The following JADE2 variants were observed in gnomAD, a reference collection of about 807,000 sequenced individuals.
JADE2 encodes the protein jade family PHD finger 2.
In JADE2, 13 loss-of-function variants were observed where a neutral mutation model predicts 85.7. That is an observed-to-expected ratio of 0.15 (90% CI 0.10 to 0.24). JADE2 has a LOEUF of 0.24. JADE2 is among the 10% of genes least tolerant of loss of function. The probability of loss-of-function intolerance (pLI) is 1.00; values close to 1 mark genes in which losing one functional copy is unlikely to be tolerated. For missense variants in JADE2, 846 were observed against 1,115.9 expected, an observed-to-expected ratio of 0.76 and a Z score of 3.45; for synonymous variants, 440 against 456.1, an observed-to-expected ratio of 0.96 and a Z score of 0.45.
chr5:134,555,232 C>T (rs1016409190), intron 4 of JADE2, among the ~76,000 whole-genome samples: 4 of 152,212 alleles, frequency 2.6e-5, no homozygotes, highest in African/African-American at 7.2e-5. Flanking sequence ...TCTCGCCCCT[C>T]TCCAGACTGA....
intron 9 of JADE2, among the ~76,000 whole-genome samples, 162 bp from the exon 10 acceptor site, chr5:134,573,483 G>A (rs566257372): frequency 5.3e-4 from 80 of 152,306 alleles, no homozygotes; most frequent in African/African-American, 1.6e-3. Flanking sequence ...CTGAGGATGC[G>A]CTCAGGGTCT....
chr5:134,545,240 TGGG>T (rs1762222417), intron 3 of JADE2, among the ~76,000 whole-genome samples: 1 of 152,018 alleles, frequency 6.6e-6, no homozygotes. Context: ...TTCTCTGGGG[TGGG>T]GGGCAGGATC....
At chr5:134,540,211 G>A (rs1314091570) in intron 3 of JADE2, among the ~76,000 whole-genome samples, 1 of 147,630 alleles carries the variant, frequency 6.8e-6, no homozygotes, top group Admixed American at 7.0e-5. Flanking sequence ...CCCACCCTCG[G>A]TCTTTTTTTT....
chr5:134,577,146 A>C, intron 11 of JADE2: 1 of 452,224 alleles, frequency 2.2e-6, no homozygotes, highest in Non-Finnish European at 3.9e-6. Context: ...ACGCCCACTC[A>C]GGAACTGTCC....
intron 4 of JADE2, among the ~76,000 whole-genome samples, chr5:134,553,622 G>A (rs1762739279): frequency 6.6e-6 from 1 of 152,246 alleles, no homozygotes; most frequent in East Asian, 1.9e-4. Flanking sequence ...AAAGTGCTGG[G>A]ATTGCAGGCG....
chr5:134,526,343 AGGGGGCGCGGGCGGGCGG>A (rs1283666426), intron 1 of JADE2: 18 of 983,878 alleles, frequency 1.8e-5, no homozygotes, highest in Non-Finnish European at 2.2e-5. Context: ...CGGGCCGGCG[AGGGGGCGCGGGCGGGCGG>A]GGGCGCGCCA....
chr5:134,526,632 G>C (rs1288305082), intron 1 of JADE2: 35 of 985,498 alleles, frequency 3.6e-5, no homozygotes, highest in Non-Finnish European at 4.2e-5. Flanking sequence ...CCTCCGCCCT[G>C]TCGCCCCCTC....
chr5:134,560,052 C>T, intron 5 of JADE2, 62 bp downstream of exon 5: 1 of 1,584,030 alleles, frequency 6.3e-7, no homozygotes, highest in Non-Finnish European at 8.7e-7. Flanking sequence ...TCTCCCCATC[C>T]CGAGAGGGAC....
chr5:134,565,790 T>C (rs913858402), intron 8 of JADE2, among the ~76,000 whole-genome samples: 1 of 149,104 alleles, frequency 6.7e-6, no homozygotes, highest in African/African-American at 2.5e-5. Flanking sequence ...ATGGAACCAC[T>C]GCACTCCAGC....
chr5:134,577,887 C>G (rs994434736), intron 11 of JADE2, among the ~76,000 whole-genome samples: 3 of 151,912 alleles, frequency 2.0e-5, no homozygotes, highest in Admixed American at 6.6e-5. Flanking sequence ...GCTTGCTACC[C>G]CTATTCGTAC....
At chr5:134,573,537 G>A (rs1420781592) in intron 9 of JADE2, 108 bp from the exon 10 acceptor site, 62 of 783,120 alleles carry the variant, frequency 7.9e-5, no homozygotes, top group Non-Finnish European at 6.9e-6. Flanking sequence ...GGCTGTGGCG[G>A]TAGCCTGTGC....
chr5:134,534,965 G>C (rs1406363835), intron 1 of JADE2, among the ~76,000 whole-genome samples: 1 of 152,224 alleles, frequency 6.6e-6, no homozygotes, highest in Non-Finnish European at 1.5e-5. Context: ...GGAGCTGATG[G>C]AGGGTAAAAA....
Position 134,578,480 on chromosome 5 carries a change from C to A in JADE2, c.1682-14C>A. On this transcript the variant is annotated splice_polypyrimidine_tract_variant and intron_variant, in intron 11 of 11. Coordinates refer to ENST00000681547, the MANE Select transcript of JADE2 (RefSeq NM_001388185.1). This position sits in a 1 kb window ranked among gnomAD's most constrained non-coding sequence, Gnocchi z 4.4. ...CGTCTGCTGGCGTCTCACTTGCCTC[C>A]TCTCTCCCCTCAGCAGGCCTGTCCA... 1.3e-6 allele frequency: 2 copies of A among 1,550,204 alleles called. No individual in the cohort carries two copies.
intron 1 of JADE2, among the ~76,000 whole-genome samples, chr5:134,527,676 C>G (rs1446209901): frequency 6.6e-6 from 1 of 151,868 alleles, no homozygotes; most frequent in African/African-American, 2.4e-5. Flanking sequence ...GTCGGAATCA[C>G]GCCGGCGCGC....
chr5:134,527,612 G>A (rs1210390108), intron 1 of JADE2, among the ~76,000 whole-genome samples: 1 of 149,470 alleles, frequency 6.7e-6, no homozygotes, highest in Non-Finnish European at 1.5e-5. Flanking sequence ...CCCTTCCTTC[G>A]CCTGGGCCGG....
Position 134,546,820 on chromosome 5 carries a change from G to T in JADE2, c.154-5232G>T, listed in dbSNP as rs537631984. On this transcript the variant is annotated intron_variant, in intron 3 of 11. Transcript: ENST00000681547. Reference sequence around the variant, plus strand: ...TACACAAGTAATTATATTTTGTAGTGTGGTAACTGCTGGAGCTTTTCTCTT... The same window carrying T: ...TACACAAGTAATTATATTTTGTAGTTTGGTAACTGCTGGAGCTTTTCTCTT... 2.6e-5 allele frequency among the ~76,000 whole-genome samples: 4 copies of T among 152,164 alleles called. No homozygotes were observed. The South Asian group carries it at 8.3e-4, about 32-fold the overall frequency.
At chr5:134,537,887 C>T (rs2304082) in intron 2 of JADE2, 102 bp from the exon 3 acceptor site, 115,216 of 830,362 alleles carry the variant, frequency 0.14, 8,865 homozygotes, top group African/African-American at 0.23. Flanking sequence ...CCCTCATGAA[C>T]ATTCTAGCCG....
Position 134,541,391 on chromosome 5 carries a change from T to G in JADE2, c.153+3308T>G, listed in dbSNP as rs565305893. ...AAAGCGAGGATTTGGCGGCAGAGAA[T>G]GTTTGCACTAAATCTCACGGACTGC... On this transcript the variant is annotated intron_variant, in intron 3 of 11. Coordinates refer to ENST00000681547, the MANE Select transcript of JADE2 (RefSeq NM_001388185.1). 2.6e-5 allele frequency among the ~76,000 whole-genome samples: 4 copies of G among 152,364 alleles called. No individual in the cohort carries two copies. In the East Asian group the frequency reaches 7.7e-4, roughly 29 times the overall value.
intron 9 of JADE2, among the ~76,000 whole-genome samples, chr5:134,570,589 G>A (rs907684672): frequency 6.6e-6 from 1 of 152,010 alleles, no homozygotes; most frequent in Non-Finnish European, 1.5e-5. Context: ...CCCAGAGCCT[G>A]CCACCTGGGC....
Sources: gnomAD v4.1 joint callset for allele counts (sites outside exome capture counted in the v4.1 genomes callset) on GRCh38, gnomAD v4.1.1 for gene constraint, Gnocchi (gnomAD v3.1) non-coding constraint, MANE v1.5 for transcripts, NCBI Gene and HGNC (gene_info 2026-07-23, HGNC 2026-07-21) for gene names.